Variants in DENND4A observed in about 807,000 individuals in gnomAD.
The protein encoded by DENND4A is DENN domain containing 4A.
DENND4A carries 70 observed loss-of-function variants against 199.3 expected under a neutral mutation model. The observed-to-expected ratio is 0.35, with a 90% CI of 0.29 to 0.43. The LOEUF (loss-of-function observed/expected upper bound fraction) is 0.43, where lower values mean the gene tolerates loss of function less well. DENND4A is among the 20% of genes least tolerant of loss of function. The pLI is 1.00. For missense variants in DENND4A, 1,723 were observed against 2,255.8 expected (o/e 0.76, Z 4.78); for synonymous variants, 686 against 766.9 (o/e 0.89, Z 1.74).
At chr15:65,790,132 CTCT>C (rs760803382) in intron 1 of DENND4A, among the ~76,000 whole-genome samples, 4 of 152,244 alleles carry the variant, frequency 2.6e-5, no homozygotes, top group Middle Eastern at 3.4e-3. Flanking sequence ...GTCATGTAGT[CTCT>C]TCTTCTAGCC....
chr15:65,766,848 A>G (rs1445845139), intron 1 of DENND4A: 5 of 152,198 alleles, frequency 3.3e-5, no homozygotes, highest in Non-Finnish European at 5.9e-5. Flanking sequence ...GAGGATTCCT[A>G]CATATATAAG....
chr15:65,673,036 A>G (rs1164963241), intron 24 of DENND4A, among the ~76,000 whole-genome samples: 1 of 151,814 alleles, frequency 6.6e-6, no homozygotes. Context: ...AATTTTTTGT[A>G]GTTTTAGTAC....
Position 65,688,819 on chromosome 15 carries a change from C to A in DENND4A, c.4179+1596G>T, listed in dbSNP as rs982496616. On this transcript the variant is annotated intron_variant, in intron 23 of 32. Transcript: ENST00000443035. ...ATGATAAACTCATTTCTGTGTTGGT[C>A]TCTCCCCAGAAACTGCCTGCTTTTA... Among the ~76,000 whole-genome samples, 4 of 152,306 alleles carry A rather than the reference C, an allele frequency of 2.6e-5. No homozygotes were observed. The East Asian group carries it at 5.8e-4, about 22-fold the overall frequency.
intron 4 of DENND4A, among the ~76,000 whole-genome samples, chr15:65,745,620 G>A (rs1483712007): frequency 2.0e-5 from 3 of 151,948 alleles, no homozygotes; most frequent in Non-Finnish European, 4.4e-5. Context: ...TTATAAAAAT[G>A]GGCTCTCTAT....
rs542006276 is a variant in DENND4A at position 65,704,642 on chromosome 15, G to A, written c.2087+1449C>T. Reference sequence around the variant, plus strand: ...GTCTCGTTCTGTCACGCAGGCTGGAGTGCAGTGGCACGATCTCGGCTCACT... The same window carrying A: ...GTCTCGTTCTGTCACGCAGGCTGGAATGCAGTGGCACGATCTCGGCTCACT... On this transcript the variant is annotated intron_variant, in intron 15 of 32. Coordinates refer to ENST00000443035, the MANE Select transcript of DENND4A (RefSeq NM_001320835.1). 9.2e-5 allele frequency among the ~76,000 whole-genome samples: 14 copies of A among 152,324 alleles called. No individual in the cohort carries two copies. The East Asian group carries it at 2.5e-3, about 27-fold the overall frequency.
intron 4 of DENND4A, among the ~76,000 whole-genome samples, chr15:65,746,369 C>CTCTCTCTCTTTTTTTTT (rs2076392238): frequency 2.0e-5 from 1 of 51,268 alleles, no homozygotes; most frequent in African/African-American, 7.0e-5. Flanking sequence ...ACTTTTTTCT[C>CTCTCTCTCTTTTTTTTT]TTTTTTTTTT....
chr15:65,681,579 GT>G (rs113160013), intron 23 of DENND4A, among the ~76,000 whole-genome samples: 29,589 of 140,044 alleles, frequency 0.21, 2,984 homozygotes, highest in African/African-American at 0.32. Flanking sequence ...TCATTTTTTT[GT>G]TTTTTTTTTT....
At chr15:65,749,136 G>A (rs1478404530) in intron 4 of DENND4A, among the ~76,000 whole-genome samples, 1 of 150,632 alleles carries the variant, frequency 6.6e-6, no homozygotes, top group East Asian at 1.9e-4. Flanking sequence ...AATTTTAATT[G>A]GTTAAACCCT....
At chr15:65,773,988 A>C (rs2077211013) in intron 1 of DENND4A, among the ~76,000 whole-genome samples, 1 of 152,250 alleles carries the variant, frequency 6.6e-6, no homozygotes, top group Non-Finnish European at 1.5e-5. Flanking sequence ...AGTGAAGCAC[A>C]AGGCATTCTG....
intron 32 of DENND4A, among the ~76,000 whole-genome samples, chr15:65,663,132 C>T (rs1179121466): frequency 1.3e-5 from 2 of 149,532 alleles, no homozygotes; most frequent in African/African-American, 4.9e-5. Flanking sequence ...ATTTAATAGT[C>T]TACCTTTCCT....
At chr15:65,728,361 C>CA (rs2075867292) in intron 11 of DENND4A, among the ~76,000 whole-genome samples, 1 of 152,072 alleles carries the variant, frequency 6.6e-6, no homozygotes, top group African/African-American at 2.4e-5. Flanking sequence ...AAATATTAAT[C>CA]AAAGAATGGT....
intron 15 of DENND4A, among the ~76,000 whole-genome samples, chr15:65,703,746 T>C (rs28368718): frequency 0.2 from 31,093 of 152,170 alleles, 4,245 homozygotes; most frequent in East Asian, 0.74. Flanking sequence ...GCAGGAGGAC[T>C]GCCTGAGCCC....
chr15:65,690,609 A>C lies in DENND4A; in HGVS notation c.3985T>G (p.Phe1329Val). 6.2e-7 allele frequency: 1 copy of C among 1,613,644 alleles called. No homozygotes were observed. Among genetic ancestry groups the C allele is most frequent in the African/African-American group, 1.3e-5 (1 of 75,044 alleles). ...PRDRLWSSPAFSPTCPFREES... is the reference protein window; with the variant it reads ...PRDRLWSSPAVSPTCPFREES... ...TCCCTAAATGGGCAAGTAGGTGAGA[A>C]GGCTGGAGAAGACCAAAGTCTATCC... Residue 1329 changes from phenylalanine to valine, a missense_variant, in exon 23 of 33, where the codon TTC becomes GTC. Phe to Val is a conservative substitution (Grantham distance 50, BLOSUM62 -1). Around this residue, in one of 6 missense-constraint regions of DENND4A, gnomAD observed 650 missense variants for 738.1 expected, o/e 0.88. Transcript: ENST00000443035.
intron 9 of DENND4A, chr15:65,731,338 G>C (rs2075950686): frequency 2.4e-6 from 1 of 412,620 alleles, no homozygotes; most frequent in Non-Finnish European, 4.8e-6. Context: ...ATGTTCTTCA[G>C]AGGTTAATTA....
intron 20 of DENND4A, among the ~76,000 whole-genome samples, chr15:65,699,490 C>T (rs2899709): frequency 0.2 from 30,853 of 151,044 alleles, 4,201 homozygotes; most frequent in East Asian, 0.73. Context: ...ATGCCATCTT[C>T]GGCACTATAA....
chr15:65,744,998 A>C (rs2140510421), intron 4 of DENND4A, among the ~76,000 whole-genome samples: 1 of 152,342 alleles, frequency 6.6e-6, no homozygotes, highest in South Asian at 2.1e-4. Context: ...TCTGAATATA[A>C]ATTATTTTCC....
chr15:65,789,117 T>C (rs1434824747), intron 1 of DENND4A, among the ~76,000 whole-genome samples: 7 of 152,172 alleles, frequency 4.6e-5, no homozygotes, highest in Admixed American at 4.6e-4. Flanking sequence ...ATCATTAATT[T>C]CACCATTCCC....
intron 1 of DENND4A, chr15:65,771,267 A>G (rs759626370): frequency 1.6e-5 from 26 of 1,586,862 alleles, no homozygotes; most frequent in Non-Finnish European, 2.2e-5. Flanking sequence ...TCACCACGGT[A>G]TACTTTTGCT....
chr15:65,666,522 C>T (rs1161188629), intron 29 of DENND4A, among the ~76,000 whole-genome samples: 1 of 152,058 alleles, frequency 6.6e-6, no homozygotes, highest in Non-Finnish European at 1.5e-5. Context: ...TGGAAGTTTC[C>T]ACTTAATATT....
Sources: gnomAD v4.1 joint callset for allele counts (sites outside exome capture counted in the v4.1 genomes callset) on GRCh38, gnomAD v4.1.1 for gene constraint, gnomAD v4.1.1 regional missense constraint, MANE v1.5 for transcripts, NCBI Gene and HGNC (gene_info 2026-07-23, HGNC 2026-07-21) for gene names.